The following COL6A6 variants were observed in gnomAD, a reference collection of about 807,000 sequenced individuals.
COL6A6 encodes collagen type VI alpha 6 chain, also known as collagen alpha-6(VI) chain.
Under a neutral mutation model 208.6 loss-of-function variants are expected in COL6A6, and 183 were observed. That is an observed-to-expected ratio of 0.88 (90% CI 0.78 to 0.99). The LOEUF (loss-of-function observed/expected upper bound fraction) is 0.99. Ranked by LOEUF, COL6A6 falls within the 50% of genes least tolerant of loss-of-function variation. The pLI is 0.00. For synonymous variants in COL6A6, 973 were observed against 1,011.8 expected, an observed-to-expected ratio of 0.96 and a Z score of 0.73; for missense variants, 2,816 against 2,815.2, an observed-to-expected ratio of 1.00 and a Z score of -0.01.
In COL6A6 at chr3:130,593,067, G is replaced by T; in HGVS notation, c.4378G>T (p.Val1460Phe). 1 of 1,613,550 alleles carries T rather than the reference G, an allele frequency of 6.2e-7. No individual in the cohort carries two copies. Among genetic ancestry groups the T allele is most frequent in the South Asian group, 1.1e-5 (1 of 91,068 alleles). Residue 1460 changes from valine to phenylalanine, a missense_variant, in exon 16 of 37, where the codon GTT becomes TTT. By Grantham distance (50) the Val-to-Phe change is conservative. Coordinates refer to ENST00000358511, the MANE Select transcript of COL6A6 (RefSeq NM_001102608.3). ...NRGLNGQEGE[V>F]GENGIDGLNG... ...ATCATATCTATCTTTTCAGGGAGAAGTTGGGGAAAATGGAATTGACGGATT... is the reference window on the plus strand; with the variant it reads ...ATCATATCTATCTTTTCAGGGAGAATTTGGGGAAAATGGAATTGACGGATT...
At chr3:130,593,451 G>A (rs1305230634) in intron 17 of COL6A6, among the ~76,000 whole-genome samples, 199 bp downstream of exon 17, 2 of 152,148 alleles carry the variant, frequency 1.3e-5, no homozygotes, top group Non-Finnish European at 2.9e-5. Flanking sequence ...GCTCATGTCT[G>A]TAAGGTGGCC....
chr3:130,662,154 T>C lies in COL6A6; in HGVS notation c.6348T>C (p.Phe2116=), dbSNP rs2065953097. The C allele has an allele frequency of 1.2e-6, 2 of 1,613,888 alleles. No homozygotes were observed. Among genetic ancestry groups the C allele is most frequent in the Non-Finnish European group, 1.7e-6 (2 of 1,179,888 alleles). Residue 2116 remains phenylalanine, a synonymous_variant, in exon 35 of 37, where the codon TTT becomes TTC. Coordinates refer to ENST00000358511, the MANE Select transcript of COL6A6 (RefSeq NM_001102608.3). ...LRAKCQGYAL[F]VFSLGPIWDD... ...CCAAATGTCAGGGATATGCCTTATTTGTGTTTTCCCTTGGCCCTATTTGGG... is the reference window on the plus strand; with the variant it reads ...CCAAATGTCAGGGATATGCCTTATTCGTGTTTTCCCTTGGCCCTATTTGGG...
intron 28 of COL6A6, among the ~76,000 whole-genome samples, chr3:130,640,765 T>A (rs1287781599): frequency 1.3e-5 from 2 of 152,240 alleles, no homozygotes; most frequent in African/African-American, 4.8e-5. Context: ...CTGTTTTTGT[T>A]GCTGTTATTC....
intron 3 of COL6A6, among the ~76,000 whole-genome samples, chr3:130,564,512 G>A (rs891528361): frequency 6.6e-6 from 1 of 152,222 alleles, no homozygotes; most frequent in Admixed American, 6.5e-5. Context: ...AATAGAGAAT[G>A]CTTTCCTTGG....
At position 130,565,372 on chromosome 3, in the gene COL6A6, A is replaced by G. The variant is rs1190251591; in HGVS notation, c.1040A>G (p.Asn347Ser). Residue 347 changes from asparagine (N) to serine (S), a missense_variant, in exon 4 of 37, where the codon AAC becomes AGC. Coordinates refer to ENST00000358511, the MANE Select transcript of COL6A6 (RefSeq NM_001102608.3). ...GTGACCCACCGAGATTCAGAAGACA[A>G]CGTGACAAAAGCAGCTGTTAACCTC... ...VLVTHRDSED[N>S]VTKAAVNLRR... The G allele has an allele frequency of 1.2e-5, 20 of 1,613,858 alleles. No individual in the cohort carries two copies. Among genetic ancestry groups the G allele is most frequent in the African/African-American group, 4.0e-5 (3 of 74,916 alleles).
At chr3:130,543,400 C>A (rs937084308) in intron 1 of COL6A6, among the ~76,000 whole-genome samples, 1 of 152,084 alleles carries the variant, frequency 6.6e-6, no homozygotes, top group Non-Finnish European at 1.5e-5. Flanking sequence ...ATTCGATGCC[C>A]TTTTTCTTTG....
chr3:130,570,980 A>G lies in COL6A6; in HGVS notation c.2564A>G (p.Asp855Gly), dbSNP rs1486201201. The G allele has an allele frequency of 6.8e-6, 11 of 1,614,026 alleles. No individual in the cohort carries two copies. Among genetic ancestry groups the G allele is most frequent in the Non-Finnish European group, 8.5e-6 (10 of 1,179,888 alleles). The change falls in exon 7 of 37, where the codon GAT becomes GGT. Residue 855 changes from aspartate to glycine, a missense_variant. Transcript: ENST00000358511. ...CGGTTTGGGGCTCTGAAGTATGCTGATGACCCAGAGGTGCTGTTTTATCTG... is the reference window on the plus strand; with the variant it reads ...CGGTTTGGGGCTCTGAAGTATGCTGGTGACCCAGAGGTGCTGTTTTATCTG... The part of the protein sequence containing the change: ...QVRFGALKYA[D>G]DPEVLFYLDD...
intron 34 of COL6A6, among the ~76,000 whole-genome samples, chr3:130,660,511 C>T (rs143341178): frequency 6.6e-6 from 1 of 152,336 alleles, no homozygotes; most frequent in East Asian, 1.9e-4. Context: ...ACTCATGTTA[C>T]TCCATTTTTC....
At chr3:130,603,973 G>A (rs1445473764) in intron 20 of COL6A6, among the ~76,000 whole-genome samples, 1 of 152,080 alleles carries the variant, frequency 6.6e-6, no homozygotes, top group African/African-American at 2.4e-5. Flanking sequence ...TTCCTGACGT[G>A]CCCATTCACA....
chr3:130,612,406 A>T (rs1437149203), intron 23 of COL6A6, among the ~76,000 whole-genome samples: 2 of 152,100 alleles, frequency 1.3e-5, no homozygotes, highest in Admixed American at 1.3e-4. Context: ...GGAGTGTGCA[A>T]ATGTTCTCTT....
chr3:130,577,471 G>C lies in COL6A6; in HGVS notation c.3547+2946G>C, dbSNP rs543499888. Among the ~76,000 whole-genome samples, 10 of 152,304 alleles carry C rather than the reference G, an allele frequency of 6.6e-5. No homozygotes were observed. The South Asian group carries it at 2.1e-3, about 32-fold the overall frequency. ...CTGGAGCTTATTAAGACATCATAGG[G>C]TTGTATCTTTGAAATTGTTTCCACA... On this transcript the variant is annotated intron_variant, in intron 8 of 36. Coordinates refer to ENST00000358511, the MANE Select transcript of COL6A6 (RefSeq NM_001102608.3).
intron 1 of COL6A6, among the ~76,000 whole-genome samples, chr3:130,547,011 TCCTGCATGGGGGCAGCAGGTGGAGCTG>T (rs2062522656): frequency 6.6e-6 from 1 of 152,272 alleles, no homozygotes; most frequent in Non-Finnish European, 1.5e-5. Flanking sequence ...CCCTAGTGGA[TCCTGCATGGGGGCAGCAGGTGGAGCTG>T]CCCGCCAGTC....
chr3:130,533,649 G>A (rs770428592), intron 1 of COL6A6, among the ~76,000 whole-genome samples: 3 of 152,122 alleles, frequency 2.0e-5, no homozygotes, highest in Non-Finnish European at 2.9e-5. Flanking sequence ...CATTCCCAGC[G>A]GGGACCACTG....
chr3:130,634,713 A>G (rs780898704), intron 27 of COL6A6, 88 bp downstream of exon 27: 52 of 925,366 alleles, frequency 5.6e-5, no homozygotes, highest in Admixed American at 2.1e-4. Context: ...AAGAACAGTT[A>G]ATGATAAATA....
intron 26 of COL6A6, among the ~76,000 whole-genome samples, chr3:130,627,894 A>G (rs2064939453): frequency 6.6e-6 from 1 of 152,364 alleles, no homozygotes; most frequent in Middle Eastern, 3.4e-3. Context: ...GTATACTAGC[A>G]ATCACCACTA....
chr3:130,613,499 C>G (rs1352870423), intron 23 of COL6A6, among the ~76,000 whole-genome samples: 1 of 152,136 alleles, frequency 6.6e-6, no homozygotes, highest in Admixed American at 6.5e-5. Flanking sequence ...TATTCATATT[C>G]TTCTTTGGTT....
At position 130,642,812 on chromosome 3, in the gene COL6A6, T is replaced by C. The variant is rs1408285735; in HGVS notation, c.5155-20T>C. On this transcript the variant is annotated intron_variant, in intron 29 of 36. Coordinates refer to ENST00000358511, the MANE Select transcript of COL6A6 (RefSeq NM_001102608.3). ...TGTATGTCTAGAGGCATTAAAACAA[T>C]GTTTTGTTTGTTTTCCTAGGGTGTG... 3 of 1,608,720 alleles carry C rather than the reference T, an allele frequency of 1.9e-6. No individual in the cohort carries two copies. Among genetic ancestry groups the C allele is most frequent in the South Asian group, 2.2e-5 (2 of 90,916 alleles).
intron 1 of COL6A6, among the ~76,000 whole-genome samples, chr3:130,530,892 T>G (rs899638079): frequency 6.6e-6 from 1 of 152,090 alleles, no homozygotes; most frequent in African/African-American, 2.4e-5. Flanking sequence ...GATGGCAACA[T>G]CAACTCCTGC....
In COL6A6 at chr3:130,568,558, G is replaced by A. The variant is rs978007456; in HGVS notation, c.2355G>A (p.Gln785=). The part of the protein sequence containing the change: ...VFYVENFDIL[Q]RIEDDLVFGI... ...ATGTTGAGAATTTTGACATTCTGCA[G>A]CGCATTGAAGATGATCTTGTTTTTG... The change falls in exon 6 of 37, where the codon CAG becomes CAA. Residue 785 remains glutamine (Q), a synonymous_variant. Transcript: ENST00000358511. 1 of 1,607,484 alleles carries A rather than the reference G, an allele frequency of 6.2e-7. No individual in the cohort carries two copies. The highest frequency in any genetic ancestry group is 1.3e-5 in the African/African-American group (1 of 74,892).
Sources: gnomAD v4.1 joint callset for allele counts (sites outside exome capture counted in the v4.1 genomes callset) on GRCh38, gnomAD v4.1.1 for gene constraint, MANE v1.5 for transcripts, NCBI Gene and HGNC (gene_info 2026-07-23, HGNC 2026-07-21) for gene names.